The following KLF12 variants were observed in gnomAD, a reference collection of about 807,000 sequenced individuals.
The protein encoded by KLF12 is KLF transcription factor 12.
In KLF12, 9 loss-of-function variants were observed where a neutral mutation model predicts 37.8. The observed-to-expected ratio is 0.24, with a 90% CI of 0.14 to 0.42. KLF12 has a LOEUF of 0.42. KLF12 is among the 10% of genes least tolerant of loss of function. The probability of loss-of-function intolerance (pLI) is 1.00; values close to 1 mark genes in which losing one functional copy is unlikely to be tolerated. For synonymous variants in KLF12, 208 were observed against 202.1 expected, an observed-to-expected ratio of 1.03 and a Z score of -0.25; for missense variants, 411 against 516.0, an observed-to-expected ratio of 0.80 and a Z score of 1.97.
chr13:73,939,180 C>T (rs999916414), intron 3 of KLF12, among the ~76,000 whole-genome samples: 3 of 152,256 alleles, frequency 2.0e-5, no homozygotes, highest in South Asian at 2.1e-4. Context: ...TCCTTCCCCG[C>T]GGCAGATTCC....
At chr13:74,184,745 C>T in the KLF12 span, among the ~76,000 whole-genome samples, 6 of 152,284 alleles carry the variant, frequency 3.9e-5, no homozygotes, top group African/African-American at 1.4e-4. Flanking sequence ...CTGAGACACA[C>T]AACCCTCAGT....
chr13:73,910,503 T>C (rs1171829644), intron 3 of KLF12, among the ~76,000 whole-genome samples: 6 of 152,128 alleles, frequency 3.9e-5, no homozygotes, highest in African/African-American at 9.7e-5. Context: ...GTAGTGGAAA[T>C]TGTGAACTAT....
chr13:74,202,146 TC>T, the KLF12 span, among the ~76,000 whole-genome samples: 1 of 152,130 alleles, frequency 6.6e-6, no homozygotes, highest in Non-Finnish European at 1.5e-5. Flanking sequence ...ATCTTAAAGG[TC>T]TTTTGTATTT....
chr13:73,930,913 G>C (rs1369551097), intron 3 of KLF12, among the ~76,000 whole-genome samples: 1 of 145,052 alleles, frequency 6.9e-6, no homozygotes, highest in Non-Finnish European at 1.5e-5. Flanking sequence ...GCCCAGGCTG[G>C]AGTGCAATGG....
chr13:74,027,450 T>C (rs1345611863), intron 1 of KLF12, among the ~76,000 whole-genome samples: 3 of 152,220 alleles, frequency 2.0e-5, no homozygotes, highest in Non-Finnish European at 2.9e-5. Context: ...GTGGCATATA[T>C]AATTGTTTTT....
At chr13:74,033,300 T>C (rs1893162702) in intron 1 of KLF12, among the ~76,000 whole-genome samples, 1 of 152,226 alleles carries the variant, frequency 6.6e-6, no homozygotes, top group Non-Finnish European at 1.5e-5. Context: ...GTATGCCCTT[T>C]TATTATACAT....
chr13:73,841,853 T>C (rs190839359), intron 4 of KLF12, among the ~76,000 whole-genome samples: 2 of 152,256 alleles, frequency 1.3e-5, no homozygotes, highest in African/African-American at 4.8e-5. Context: ...AGTGGAAAAA[T>C]GTCTTCCTTG....
chr13:74,080,472 TA>T (rs1372236822), intron 1 of KLF12, among the ~76,000 whole-genome samples: 2 of 151,530 alleles, frequency 1.3e-5, no homozygotes, highest in African/African-American at 2.4e-5. Flanking sequence ...TGTGAATATA[TA>T]ATACTTAACA....
At chr13:73,709,069 T>C (rs1236908533) in intron 7 of KLF12, among the ~76,000 whole-genome samples, 2 of 152,218 alleles carry the variant, frequency 1.3e-5, no homozygotes, top group African/African-American at 4.8e-5. Flanking sequence ...CTTGGTCACA[T>C]CTTCGTGTTA....
At position 73,943,800 on chromosome 13, in the gene KLF12, T is replaced by C. The variant is rs556004170; in HGVS notation, c.123+181A>G. Among the ~76,000 whole-genome samples the C allele has an allele frequency of 6.6e-5, 10 of 152,332 alleles. No individual in the cohort carries two copies. In the South Asian group the frequency reaches 1.4e-3, roughly 22 times the overall value. On this transcript the variant is annotated intron_variant, in intron 3 of 7. Transcript: ENST00000377669. ...GATACTATCCCTTCCAAGGAAATAA[T>C]AGTTGAAGTTGCAAATGGGTACAGA...
chr13:73,936,391 T>G (rs989859770), intron 3 of KLF12, among the ~76,000 whole-genome samples: 1 of 152,114 alleles, frequency 6.6e-6, no homozygotes, highest in African/African-American at 2.4e-5. Flanking sequence ...ATGCCTCACA[T>G]ATGAAGAGGT....
chr13:74,092,296 C>CAAAAAAAA (rs35528942), intron 1 of KLF12, among the ~76,000 whole-genome samples: 18,735 of 134,784 alleles, frequency 0.14, 1,325 homozygotes, highest in African/African-American at 0.16. Flanking sequence ...GACTCCGTCT[C>CAAAAAAAA]AAAAAAAAAA....
At chr13:73,883,013 T>C (rs936838325) in intron 3 of KLF12, among the ~76,000 whole-genome samples, 1 of 152,122 alleles carries the variant, frequency 6.6e-6, no homozygotes, top group Non-Finnish European at 1.5e-5. Flanking sequence ...TAAATAATCA[T>C]CCCCAAATGC....
intron 2 of KLF12, among the ~76,000 whole-genome samples, chr13:73,973,564 A>C (rs1301145299): frequency 1.3e-5 from 2 of 152,178 alleles, no homozygotes; most frequent in Non-Finnish European, 2.9e-5. Context: ...ACCAATTCTC[A>C]AAGTGTAGCT....
chr13:74,107,082 C>T (rs75453516), intron 1 of KLF12, among the ~76,000 whole-genome samples: 2,343 of 152,004 alleles, frequency 0.015, 56 homozygotes, highest in African/African-American at 0.051. Flanking sequence ...CCACAGATGG[C>T]GCTTGTCTTC....
intron 5 of KLF12, among the ~76,000 whole-genome samples, chr13:73,794,934 C>T (rs570681459): frequency 2.0e-5 from 3 of 152,158 alleles, no homozygotes; most frequent in Middle Eastern, 3.4e-3. Flanking sequence ...GATATCTGAC[C>T]CTAGTCTTAA....
chr13:74,158,430 G>A, the KLF12 span, among the ~76,000 whole-genome samples: 3 of 152,292 alleles, frequency 2.0e-5, no homozygotes, highest in African/African-American at 7.2e-5. Context: ...CTGGGATTAG[G>A]TGAACAGAAG....
chr13:74,196,262 T>C, the KLF12 span, among the ~76,000 whole-genome samples: 1 of 152,176 alleles, frequency 6.6e-6, no homozygotes, highest in Non-Finnish European at 1.5e-5. Context: ...ATTAGGACTC[T>C]GATCTACCCA....
intron 3 of KLF12, among the ~76,000 whole-genome samples, chr13:73,874,094 T>A (rs1209118586): frequency 6.6e-6 from 1 of 152,220 alleles, no homozygotes; most frequent in East Asian, 1.9e-4. Context: ...AATGCAGCCT[T>A]CGGAGCTGTG....
Sources: allele counts gnomAD v4.1 joint callset (sites outside exome capture counted in the v4.1 genomes callset), GRCh38; gene constraint gnomAD v4.1.1; transcripts MANE v1.5; gene names NCBI Gene and HGNC (gene_info 2026-07-23, HGNC 2026-07-21).